Variants in TMEM132B observed in about 807,000 individuals in gnomAD.
TMEM132B encodes the protein transmembrane protein 132B.
A neutral mutation model predicts 90.8 loss-of-function variants in TMEM132B; 18 were observed. The observed-to-expected ratio is 0.20, with a 90% CI of 0.14 to 0.29. TMEM132B has a LOEUF of 0.29. TMEM132B is among the 10% of genes least tolerant of loss of function. The pLI is 1.00. For synonymous variants in TMEM132B, 504 were observed against 523.3 expected, an observed-to-expected ratio of 0.96 and a Z score of 0.50; for missense variants, 1,096 against 1,326.8, an observed-to-expected ratio of 0.83 and a Z score of 2.70.
chr12:125,426,389 C>A (rs961988237), intron 3 of TMEM132B, among the ~76,000 whole-genome samples: 16 of 152,120 alleles, frequency 1.1e-4, no homozygotes, highest in African/African-American at 3.9e-4. Context: ...GTGGTGATGC[C>A]AGTTCCATAA....
At chr12:125,429,663 C>G (rs1880438516) in intron 3 of TMEM132B, among the ~76,000 whole-genome samples, 1 of 152,168 alleles carries the variant, frequency 6.6e-6, no homozygotes, top group African/African-American at 2.4e-5. Context: ...TTGAAGGCCC[C>G]TTTATTGAAC....
At position 125,246,312 on chromosome 12, in the gene TMEM132B, C is replaced by T. The variant is rs58294021; in HGVS notation, c.67+59446C>T. Among the ~76,000 whole-genome samples, 386 of 152,242 alleles carry T rather than the reference C, an allele frequency of 2.5e-3. 2 individuals carry two copies. The highest frequency in any genetic ancestry group is 8.7e-3 in the African/African-American group (363 of 41,516). On this transcript the variant is annotated intron_variant, in intron 1 of 8. Transcript: ENST00000682704. This position sits in a 1 kb window ranked among gnomAD's most constrained non-coding sequence, Gnocchi z 4.2. ...CTTCCCTGCCACAGGGAACTCAAGC[C>T]GGTTTGGAGTTAGGGAGCAAGTTGA...
At chr12:125,557,675 T>C (rs962604553) in intron 4 of TMEM132B, among the ~76,000 whole-genome samples, 4 of 148,150 alleles carry the variant, frequency 2.7e-5, no homozygotes, top group Admixed American at 2.1e-4. Flanking sequence ...GCTCCTATTA[T>C]GTCCAGGAAC....
chr12:125,346,454 T>C (rs1455669402), intron 1 of TMEM132B, among the ~76,000 whole-genome samples: 1 of 152,202 alleles, frequency 6.6e-6, no homozygotes, highest in African/African-American at 2.4e-5. Flanking sequence ...CTGAAAGATA[T>C]TGTGATGCTG....
intron 2 of TMEM132B, among the ~76,000 whole-genome samples, chr12:125,372,619 G>A (rs1878330968): frequency 6.6e-6 from 1 of 152,176 alleles, no homozygotes; most frequent in African/African-American, 2.4e-5. Context: ...GATTGACATT[G>A]GTGATACTTT....
intron 3 of TMEM132B, among the ~76,000 whole-genome samples, chr12:125,434,187 C>T (rs1880629524): frequency 6.6e-6 from 1 of 152,182 alleles, no homozygotes; most frequent in African/African-American, 2.4e-5. Context: ...CCCTGTATCC[C>T]TCTGACCTCT....
chr12:125,190,117 C>G (rs1957788071), intron 1 of TMEM132B, among the ~76,000 whole-genome samples: 1 of 152,128 alleles, frequency 6.6e-6, no homozygotes, highest in South Asian at 2.1e-4. Flanking sequence ...GGGAAGGAGA[C>G]TTGGGCACAG....
intron 3 of TMEM132B, among the ~76,000 whole-genome samples, chr12:125,434,990 G>C (rs1197455630): frequency 6.6e-6 from 1 of 152,140 alleles, no homozygotes; most frequent in Non-Finnish European, 1.5e-5. Flanking sequence ...CTAAGCGTTT[G>C]GGGAAACCCT....
At chr12:125,390,186 A>G (rs540128578) in intron 2 of TMEM132B, among the ~76,000 whole-genome samples, 1 of 152,370 alleles carries the variant, frequency 6.6e-6, no homozygotes, top group African/African-American at 2.4e-5. Context: ...GACACACACA[A>G]GAATGCTTAT....
intron 3 of TMEM132B, among the ~76,000 whole-genome samples, chr12:125,505,682 G>A (rs577628475): frequency 6.7e-6 from 1 of 149,840 alleles, no homozygotes; most frequent in East Asian, 2.0e-4. Context: ...TGGGCGACAA[G>A]AGCGAAACCC....
intron 1 of TMEM132B, among the ~76,000 whole-genome samples, chr12:125,274,196 T>C (rs989647064): frequency 6.6e-6 from 1 of 152,194 alleles, no homozygotes; most frequent in Admixed American, 6.5e-5. Flanking sequence ...TGGGAGACTC[T>C]TTCACATTGA....
At chr12:125,369,509 A>G (rs1327384074) in intron 2 of TMEM132B, among the ~76,000 whole-genome samples, 2 of 152,228 alleles carry the variant, frequency 1.3e-5, no homozygotes, top group African/African-American at 4.8e-5. Context: ...ATGAGAAGAA[A>G]AAAGAGCTCT....
chr12:125,398,701 A>C (rs1879229970), intron 2 of TMEM132B, among the ~76,000 whole-genome samples: 1 of 152,228 alleles, frequency 6.6e-6, no homozygotes, highest in Admixed American at 6.5e-5. Flanking sequence ...ATTGGCTATC[A>C]AATTGAAAGT....
At chr12:125,511,634 C>T (rs1882979976) in intron 3 of TMEM132B, among the ~76,000 whole-genome samples, 2 of 151,846 alleles carry the variant, frequency 1.3e-5, no homozygotes, top group South Asian at 2.1e-4. Flanking sequence ...GGGCGGATCA[C>T]GAGGTTAGGA....
chr12:125,344,774 C>T lies in TMEM132B; in HGVS notation c.68-4678C>T, dbSNP rs147219959. 9.2e-5 allele frequency among the ~76,000 whole-genome samples: 14 copies of T among 152,184 alleles called. 1 individual carries two copies. The highest frequency in any genetic ancestry group is 3.4e-4 in the African/African-American group (14 of 41,538). On this transcript the variant is annotated intron_variant, in intron 1 of 8. Transcript: ENST00000682704. ...AGAAATCCAGACCAGAAGGAGTCTT[C>T]TCTGCTCACATGTGGGTGATGAGCT...
At chr12:125,547,748 A>G (rs565475285) in intron 4 of TMEM132B, among the ~76,000 whole-genome samples, 1 of 152,238 alleles carries the variant, frequency 6.6e-6, no homozygotes, top group South Asian at 2.1e-4. Context: ...ACAAGGCAGG[A>G]TGGATTCAGC....
chr12:125,540,114 G>A (rs1387298798), intron 4 of TMEM132B, among the ~76,000 whole-genome samples: 1 of 152,028 alleles, frequency 6.6e-6, no homozygotes, highest in East Asian at 1.9e-4. Context: ...CAATGTTTGG[G>A]GGCATTTTCC....
intron 1 of TMEM132B, among the ~76,000 whole-genome samples, chr12:125,221,859 T>A (rs1477367015): frequency 6.6e-6 from 1 of 152,070 alleles, no homozygotes; most frequent in Non-Finnish European, 1.5e-5. Flanking sequence ...GAAGGGAGAT[T>A]GGAAGGAGGA....
At chr12:125,201,897 G>A (rs1317086043) in intron 1 of TMEM132B, among the ~76,000 whole-genome samples, 1 of 152,212 alleles carries the variant, frequency 6.6e-6, no homozygotes, top group East Asian at 1.9e-4. Flanking sequence ...CTGTGGTGTT[G>A]CTCATCTCTT....
Sources: gnomAD v4.1 joint callset for allele counts (sites outside exome capture counted in the v4.1 genomes callset) on GRCh38, gnomAD v4.1.1 for gene constraint, Gnocchi (gnomAD v3.1) non-coding constraint, MANE v1.5 for transcripts, NCBI Gene and HGNC (gene_info 2026-07-23, HGNC 2026-07-21) for gene names.